C16orf87: variants seen among roughly 807,000 people sequenced by gnomAD.
The protein encoded by C16orf87 is UPF0547 protein C16orf87.
A neutral mutation model predicts 21.0 loss-of-function variants in C16orf87; 13 were observed. The ratio of observed to expected loss-of-function variants is 0.62; its 90% confidence interval spans 0.40 to 0.98. The LOEUF (loss-of-function observed/expected upper bound fraction) is 0.98. Among genes scored for constraint, C16orf87 ranks in the 50% least tolerant of loss-of-function variants. C16orf87 has a pLI of 0.00. For missense variants in C16orf87, 113 were observed against 180.4 expected, an observed-to-expected ratio of 0.63 and a Z score of 2.14; for synonymous variants, 49 against 60.2, an observed-to-expected ratio of 0.81 and a Z score of 0.86.
intron 1 of C16orf87, chr16:46,830,805 G>A (rs1479955562): frequency 3.3e-6 from 1 of 307,276 alleles, no homozygotes; most frequent in Non-Finnish European, 6.0e-6. Flanking sequence ...CAGCCGCCCG[G>A]TGAGCCCACC....
rs1967663780 is a variant in C16orf87, at chr16:46,798,082, A to G, written c.*4870T>C. 1 of 152,136 alleles carries G rather than the reference A, an allele frequency of 6.6e-6. No homozygotes were observed. The highest frequency in any genetic ancestry group is 6.5e-5 in the Admixed American group (1 of 15,280). 9.4% of individuals were successfully genotyped at this position (152,136 alleles called of 1,614,324 possible). On this transcript the variant is annotated 3_prime_UTR_variant, in exon 4 of 4. Coordinates refer to ENST00000285697, the MANE Select transcript of C16orf87 (RefSeq NM_001001436.4). ...ATAAATAAATAAATAAGTAAATTTTAAAATCAATGATCTGAGCTTCCGCCA... is the reference window on the plus strand; with the variant it reads ...ATAAATAAATAAATAAGTAAATTTTGAAATCAATGATCTGAGCTTCCGCCA...
In C16orf87 at chr16:46,798,345, TAAA is replaced by T. The variant is rs1967671848; in HGVS notation, c.*4604_*4606del. 1 of 152,358 alleles carries T rather than the reference TAAA, an allele frequency of 6.6e-6. No individual in the cohort carries two copies. The highest frequency in any genetic ancestry group is 2.4e-5 in the African/African-American group (1 of 41,564). 9.4% of individuals were successfully genotyped at this position (152,358 alleles called of 1,614,324 possible). ...CAACATGGTGAAACTCCATCTCTAC[TAAA>T]AATACAAAAAGAAGCTGGGTGTAGT... On this transcript the variant is annotated 3_prime_UTR_variant, in exon 4 of 4. Coordinates refer to ENST00000285697, the MANE Select transcript of C16orf87 (RefSeq NM_001001436.4).
chr16:46,817,678 ACT>A (rs1252983850), intron 2 of C16orf87, among the ~76,000 whole-genome samples: 1 of 151,826 alleles, frequency 6.6e-6, no homozygotes. Flanking sequence ...ATGGAGCAAG[ACT>A]CTGTCTCAAA....
intron 2 of C16orf87, among the ~76,000 whole-genome samples, chr16:46,818,084 C>G (rs1331763613): frequency 6.6e-6 from 1 of 151,912 alleles, no homozygotes. Flanking sequence ...CCATGTTGGC[C>G]AGGTTGATCT....
chr16:46,822,239 G>A (rs963997407), intron 2 of C16orf87, among the ~76,000 whole-genome samples: 1 of 151,966 alleles, frequency 6.6e-6, no homozygotes, highest in Non-Finnish European at 1.5e-5. Flanking sequence ...TATCTTTGTT[G>A]ACTTTCTTAA....
intron 2 of C16orf87, among the ~76,000 whole-genome samples, chr16:46,819,717 G>A (rs375662510): frequency 3.3e-5 from 5 of 151,820 alleles, no homozygotes; most frequent in African/African-American, 9.7e-5. Context: ...GCTCATGCCT[G>A]TAATCCTAGC....
At position 46,830,666 on chromosome 16, in the gene C16orf87, C is replaced by T. The variant is rs187214929; in HGVS notation, c.66+418G>A. On this transcript the variant is annotated intron_variant, in intron 1 of 3. Transcript: ENST00000285697. The stretch of plus-strand genomic sequence containing the variant: ...GAACCGGGAACAAAGCCGCCCCGGC[C>T]GCAGGAGGGGTTCTCGGAGCTAGGG... The T allele has an allele frequency of 2.5e-4, 40 of 161,946 alleles. No homozygotes were observed. The Admixed American group carries it at 2.6e-3, about 10-fold the overall frequency. The allele number at this position is 161,946 out of a possible 1,614,324, so 10.0% of individuals were successfully genotyped here.
chr16:46,830,306 G>GAGAGAGAGAGAGAGAC (rs1265325953), intron 1 of C16orf87, among the ~76,000 whole-genome samples: 2 of 149,146 alleles, frequency 1.3e-5, no homozygotes, highest in Non-Finnish European at 3.0e-5. Flanking sequence ...GAGAGAGAGA[G>GAGAGAGAGAGAGAGAC]AGACACACAG....
intron 3 of C16orf87, among the ~76,000 whole-genome samples, chr16:46,804,640 C>T (rs1967871381): frequency 6.6e-6 from 1 of 152,142 alleles, no homozygotes; most frequent in East Asian, 1.9e-4. Flanking sequence ...ATAGTGAATA[C>T]ACAGATCTTT....
At position 46,800,843 on chromosome 16, in the gene C16orf87, T is replaced by G. The variant is rs1967748759; in HGVS notation, c.*2109A>C. On this transcript the variant is annotated 3_prime_UTR_variant, in exon 4 of 4. Coordinates refer to ENST00000285697, the MANE Select transcript of C16orf87 (RefSeq NM_001001436.4). Reference sequence around the variant, plus strand: ...GGTTATGTCACAGAGGAAACCTAATTTGCCTCTCTGCCACGGAAATTTTTA... The same window carrying G: ...GGTTATGTCACAGAGGAAACCTAATGTGCCTCTCTGCCACGGAAATTTTTA... 6.6e-6 allele frequency: 1 copy of G among 152,222 alleles called. No individual in the cohort carries two copies. Among genetic ancestry groups the G allele is most frequent in the African/African-American group, 2.4e-5 (1 of 41,458 alleles). The allele number at this position is 152,222 out of a possible 1,614,324, so 9.4% of individuals were successfully genotyped here.
At chr16:46,815,307 C>A (rs1968208506) in intron 2 of C16orf87, among the ~76,000 whole-genome samples, 1 of 151,322 alleles carries the variant, frequency 6.6e-6, no homozygotes, top group South Asian at 2.1e-4. Context: ...CATGGAAAAG[C>A]TTCATGACAT....
chr16:46,821,118 C>A (rs1959397110), intron 2 of C16orf87, among the ~76,000 whole-genome samples: 1 of 152,208 alleles, frequency 6.6e-6, no homozygotes, highest in South Asian at 2.1e-4. Context: ...CAAGGCAAAT[C>A]TTACTTCTAA....
In C16orf87 at chr16:46,809,644, C is replaced by A; in HGVS notation, c.305G>T (p.Arg102Ile). ...TTTTTTGGCAGATGCACTTTTAGGTCTTCCTCTTCCTCGTCTGATATGATC... is the reference window on the plus strand; with the variant it reads ...TTTTTTGGCAGATGCACTTTTAGGTATTCCTCTTCCTCGTCTGATATGATC... ...HSDHIRRGRG[R>I]PKSASAKKHE... is the part of the protein sequence containing the mutation. The change falls in exon 3 of 4, where the codon AGA becomes ATA. Residue 102 changes from arginine to isoleucine, a missense_variant. By Grantham distance (97) the Arg-to-Ile change is moderately conservative. Transcript: ENST00000285697. 6.2e-7 allele frequency: 1 copy of A among 1,611,880 alleles called. No homozygotes were observed. Among genetic ancestry groups the A allele is most frequent in the Non-Finnish European group, 8.5e-7 (1 of 1,179,032 alleles).
At chr16:46,803,240 G>A (rs1967829123) in intron 3 of C16orf87, among the ~76,000 whole-genome samples, 170 bp from the exon 4 acceptor site, 1 of 151,980 alleles carries the variant, frequency 6.6e-6, no homozygotes, top group Non-Finnish European at 1.5e-5. Flanking sequence ...TTATACAAAG[G>A]AGTTACTGAA....
intron 1 of C16orf87, among the ~76,000 whole-genome samples, chr16:46,829,557 C>A (rs1406891561): frequency 6.6e-6 from 1 of 152,138 alleles, no homozygotes; most frequent in African/African-American, 2.4e-5. Context: ...AAACCTTACA[C>A]TTCTACACAA....
intron 2 of C16orf87, among the ~76,000 whole-genome samples, chr16:46,823,021 TTTTCC>T (rs1959480063): frequency 6.6e-6 from 1 of 152,228 alleles, no homozygotes; most frequent in Admixed American, 6.5e-5. Context: ...ATAAAAAATG[TTTTCC>T]AACCTTAGAA....
chr16:46,809,070 G>A (rs1376071496), intron 3 of C16orf87, among the ~76,000 whole-genome samples: 1 of 150,952 alleles, frequency 6.6e-6, no homozygotes, highest in Non-Finnish European at 1.5e-5. Flanking sequence ...GGCCAAGGAG[G>A]GCAGATTGCT....
intron 3 of C16orf87, among the ~76,000 whole-genome samples, chr16:46,805,359 C>A (rs896790965): frequency 1.3e-5 from 2 of 151,972 alleles, no homozygotes; most frequent in East Asian, 1.9e-4. Flanking sequence ...TATCTTTAAG[C>A]CTTTTATTAA....
chr16:46,828,462 C>T (rs937716361), intron 1 of C16orf87, among the ~76,000 whole-genome samples: 1 of 152,020 alleles, frequency 6.6e-6, no homozygotes, highest in African/African-American at 2.4e-5. Flanking sequence ...CTGATGCACA[C>T]AAAATGGCTC....
Sources: allele counts gnomAD v4.1 joint callset (sites outside exome capture counted in the v4.1 genomes callset), GRCh38; gene constraint gnomAD v4.1.1; transcripts MANE v1.5; gene names NCBI Gene and HGNC (gene_info 2026-07-23, HGNC 2026-07-21).